LHFPL3: variants seen among roughly 807,000 people sequenced by gnomAD.
LHFPL3 encodes LHFPL tetraspan subfamily member 3 protein.
In LHFPL3, 5 loss-of-function variants were observed where a neutral mutation model predicts 19.3. The observed-to-expected ratio is 0.26, with a 90% CI of 0.14 to 0.54. The LOEUF (loss-of-function observed/expected upper bound fraction) is 0.54, where lower values mean the gene tolerates loss of function less well. Ranked by LOEUF, LHFPL3 falls within the 20% of genes least tolerant of loss-of-function variation. LHFPL3 has a pLI of 0.94. For missense variants in LHFPL3, 249 were observed against 307.4 expected, an observed-to-expected ratio of 0.81 and a Z score of 1.42; for synonymous variants, 133 against 126.2, an observed-to-expected ratio of 1.05 and a Z score of -0.36.
Position 104,338,938 on chromosome 7 carries a change from C to T in LHFPL3, c.445+9714C>T, listed in dbSNP as rs544381786. ...ATTAAAAATCACTTAACATACTCTT[C>T]TCATTTTCTTGATTAAGAAATAATA... On this transcript the variant is annotated intron_variant, in intron 1 of 2. Transcript: ENST00000424859. Among the ~76,000 whole-genome samples the T allele has an allele frequency of 2.0e-5, 3 of 152,268 alleles. No homozygotes were observed. The East Asian group carries it at 5.8e-4, about 29-fold the overall frequency.
At chr7:104,684,237 C>G (rs2116103765) in intron 1 of LHFPL3, among the ~76,000 whole-genome samples, 1 of 152,352 alleles carries the variant, frequency 6.6e-6, no homozygotes, top group South Asian at 2.1e-4. Flanking sequence ...GCCCCAACCC[C>G]TGGCCCAACC....
chr7:104,843,450 A>C (rs368913350), intron 2 of LHFPL3, among the ~76,000 whole-genome samples: 73 of 152,220 alleles, frequency 4.8e-4, no homozygotes, highest in African/African-American at 1.6e-3. Flanking sequence ...AAGGCTCCCC[A>C]ATGGACTTTG....
chr7:104,546,915 A>G (rs1794586041), intron 1 of LHFPL3, among the ~76,000 whole-genome samples: 1 of 152,242 alleles, frequency 6.6e-6, no homozygotes, highest in Non-Finnish European at 1.5e-5. Context: ...TAAGGTTTCT[A>G]GCACAAATGT....
At chr7:104,627,134 C>T (rs1490148613) in intron 1 of LHFPL3, among the ~76,000 whole-genome samples, 1 of 152,036 alleles carries the variant, frequency 6.6e-6, no homozygotes, top group Non-Finnish European at 1.5e-5. Context: ...TCTCCAGTTC[C>T]CACCCCCGGG....
At chr7:104,831,718 A>C (rs1300446975) in intron 2 of LHFPL3, among the ~76,000 whole-genome samples, 1 of 151,934 alleles carries the variant, frequency 6.6e-6, no homozygotes, top group Non-Finnish European at 1.5e-5. Context: ...ACACACAAAA[A>C]AAAGATGCTT....
At chr7:104,446,740 T>G (rs1430715150) in intron 1 of LHFPL3, among the ~76,000 whole-genome samples, 3 of 151,982 alleles carry the variant, frequency 2.0e-5, no homozygotes. Flanking sequence ...CATGCCCAGC[T>G]AATTTTTTTA....
chr7:104,851,767 C>T (rs1393417844), intron 2 of LHFPL3, among the ~76,000 whole-genome samples: 2 of 152,110 alleles, frequency 1.3e-5, no homozygotes, highest in African/African-American at 4.8e-5. Context: ...AAGAATTTGA[C>T]AAGAGCAAAG....
chr7:104,374,242 A>C (rs202005668), intron 1 of LHFPL3, among the ~76,000 whole-genome samples: 2 of 137,896 alleles, frequency 1.5e-5, no homozygotes, highest in African/African-American at 5.4e-5. Context: ...GTGTGTGTGT[A>C]TACATATATA....
At chr7:104,532,318 CTTTTTT>C (rs71155504) in intron 1 of LHFPL3, among the ~76,000 whole-genome samples, 6 of 87,230 alleles carry the variant, frequency 6.9e-5, no homozygotes, top group African/African-American at 2.7e-4. Context: ...TTCTTTCTGT[CTTTTTT>C]TTTTTTTTTT....
At chr7:104,479,626 A>C (rs12705221) in intron 1 of LHFPL3, among the ~76,000 whole-genome samples, 1 of 151,860 alleles carries the variant, frequency 6.6e-6, no homozygotes, top group Admixed American at 6.6e-5. Context: ...TCCTGACCTC[A>C]TGTGATCCAC....
chr7:104,487,693 G>A (rs1320773265), intron 1 of LHFPL3, among the ~76,000 whole-genome samples: 1 of 152,196 alleles, frequency 6.6e-6, no homozygotes, highest in African/African-American at 2.4e-5. Context: ...ATTCAGGGAC[G>A]TGTTGAGTCC....
chr7:104,659,577 T>C (rs1792185503), intron 1 of LHFPL3, among the ~76,000 whole-genome samples: 1 of 152,202 alleles, frequency 6.6e-6, no homozygotes, highest in South Asian at 2.1e-4. Flanking sequence ...GGGGGAATTC[T>C]TAGCAGGATT....
At chr7:104,427,959 A>G (rs955769512) in intron 1 of LHFPL3, among the ~76,000 whole-genome samples, 1 of 152,244 alleles carries the variant, frequency 6.6e-6, no homozygotes, top group Non-Finnish European at 1.5e-5. Context: ...AGCTGAGATT[A>G]CATAGCATAT....
intron 1 of LHFPL3, among the ~76,000 whole-genome samples, chr7:104,724,897 C>T (rs918909131): frequency 6.6e-6 from 1 of 152,190 alleles, no homozygotes; most frequent in African/African-American, 2.4e-5. Flanking sequence ...AAACATTTTT[C>T]TCCAGGAGCC....
intron 1 of LHFPL3, chr7:104,667,963 T>A: frequency 6.2e-7 from 1 of 1,613,358 alleles, no homozygotes. Context: ...GACCGTTCCA[T>A]CCTTCCCACT....
At chr7:104,369,939 T>C (rs1790577678) in intron 1 of LHFPL3, among the ~76,000 whole-genome samples, 1 of 152,248 alleles carries the variant, frequency 6.6e-6, no homozygotes, top group Admixed American at 6.5e-5. Context: ...GCAAATGTTT[T>C]CTCCCAAGTT....
chr7:104,617,593 C>A (rs1791370157), intron 1 of LHFPL3, among the ~76,000 whole-genome samples: 1 of 152,154 alleles, frequency 6.6e-6, no homozygotes, highest in Non-Finnish European at 1.5e-5. Context: ...TTCCTAGACG[C>A]TTTCTAATGT....
intron 2 of LHFPL3, among the ~76,000 whole-genome samples, chr7:104,856,826 C>A (rs1791514851): frequency 6.6e-6 from 1 of 152,082 alleles, no homozygotes; most frequent in African/African-American, 2.4e-5. Context: ...TGTATTATGA[C>A]CTGGATACTG....
chr7:104,903,801 A>G (rs1184419718), intron 2 of LHFPL3, among the ~76,000 whole-genome samples: 1 of 152,112 alleles, frequency 6.6e-6, no homozygotes, highest in Non-Finnish European at 1.5e-5. Flanking sequence ...CATGGTGTAT[A>G]TGTACCACAT....
Sources: gnomAD v4.1 joint callset for allele counts (sites outside exome capture counted in the v4.1 genomes callset) on GRCh38, gnomAD v4.1.1 for gene constraint, MANE v1.5 for transcripts, NCBI Gene and HGNC (gene_info 2026-07-23, HGNC 2026-07-21) for gene names.